The following ANKRD30A variants were observed in gnomAD, a reference collection of about 807,000 sequenced individuals.
The protein encoded by ANKRD30A is ankyrin repeat domain-containing protein 30A.
In ANKRD30A, 170 loss-of-function variants were observed where a neutral mutation model predicts 166.3. The ratio of observed to expected loss-of-function variants is 1.02; its 90% CI spans 0.90 to 1.16. ANKRD30A has a LOEUF of 1.16. ANKRD30A is among the 50% of genes most tolerant of loss of function. ANKRD30A has a pLI of 0.00. For missense variants in ANKRD30A, 1,630 were observed against 1,518.0 expected, an observed-to-expected ratio of 1.07 and a Z score of -1.23; for synonymous variants, 564 against 508.9, an observed-to-expected ratio of 1.11 and a Z score of -1.46.
chr10:37,239,588 T>C, the ANKRD30A span, among the ~76,000 whole-genome samples: 5 of 152,118 alleles, frequency 3.3e-5, no homozygotes, highest in African/African-American at 4.8e-5. Flanking sequence ...AACTGAACTT[T>C]AATAAAGGAC....
Position 37,132,303 on chromosome 10 carries a change from C to G in ANKRD30A, c.574C>G (p.Leu192Val). The change falls in exon 4 of 36, where the codon CTG becomes GTG. Residue 192 changes from leucine (L) to valine (V), a missense_variant. By Grantham distance (32) the Leu-to-Val change is conservative. Transcript: ENST00000361713. ...AAGTGAGCAAATTGTGGAATTTTTG[C>G]TGATAAAAAATGCAAATGCGAATGC... ...KRSEQIVEFL[L>V]IKNANANAVN... The G allele has an allele frequency of 6.2e-7, 1 of 1,605,308 alleles. No homozygotes were observed. Among genetic ancestry groups the G allele is most frequent in the Non-Finnish European group, 8.5e-7 (1 of 1,175,802 alleles).
At chr10:37,210,414 C>T (rs550488168) in intron 31 of ANKRD30A, among the ~76,000 whole-genome samples, 1 of 152,112 alleles carries the variant, frequency 6.6e-6, no homozygotes, top group African/African-American at 2.4e-5. Context: ...GAGAATACTC[C>T]CCCAATAAAC....
In ANKRD30A at chr10:37,219,555, A is replaced by C. The variant is rs751877118; in HGVS notation, c.3843A>C (p.Ser1281=). Reference sequence around the variant, plus strand: ...CTCTAAGAGAAAATACATTGGTTTCAGAACATGCACAAAGAGACCAACGTG... The same window carrying C: ...CTCTAAGAGAAAATACATTGGTTTCCGAACATGCACAAAGAGACCAACGTG... The part of the protein sequence containing the change: ...GDALRENTLV[S]EHAQRDQRET... The change falls in exon 34 of 36, where the codon TCA becomes TCC. Residue 1281 remains serine (S), a synonymous_variant. Coordinates refer to ENST00000361713, the MANE Select transcript of ANKRD30A (RefSeq NM_052997.3). The C allele has an allele frequency of 1.2e-6, 2 of 1,610,376 alleles. No individual in the cohort carries two copies. Among genetic ancestry groups the C allele is most frequent in the Admixed American group, 3.4e-5 (2 of 59,606 alleles).
Position 37,129,978 on chromosome 10 carries a change from G to T in ANKRD30A, c.307G>T (p.Asp103Tyr). The change falls in exon 2 of 36, where the codon GAT (aspartate) becomes TAT (tyrosine). Residue 103 changes from aspartate (D) to tyrosine (Y), a missense_variant. Physicochemically the swap from Asp to Tyr is radical, Grantham distance 160. Transcript: ENST00000361713. ...VDRKCQLDVL[D>Y]GEHRTPLMKA... ...CAGAAAGTGCCAGCTTGACGTCCTTGATGGCGAACACAGGACACCTCTGAT... is the reference window on the plus strand; with the variant it reads ...CAGAAAGTGCCAGCTTGACGTCCTTTATGGCGAACACAGGACACCTCTGAT... 1.9e-6 allele frequency: 3 copies of T among 1,577,330 alleles called. No homozygotes were observed. The highest frequency in any genetic ancestry group is 2.6e-6 in the Non-Finnish European group (3 of 1,159,592).
intron 15 of ANKRD30A, among the ~76,000 whole-genome samples, chr10:37,162,043 A>T (rs1206923917): frequency 6.6e-6 from 1 of 152,180 alleles, no homozygotes; most frequent in Non-Finnish European, 1.5e-5. Context: ...TTCCATGATG[A>T]GTTTTACACA....
intron 29 of ANKRD30A, among the ~76,000 whole-genome samples, chr10:37,197,706 A>G (rs1841255134): frequency 6.6e-6 from 1 of 152,084 alleles, no homozygotes; most frequent in Non-Finnish European, 1.5e-5. Context: ...CTACTTTTGT[A>G]TCCTGAAACT....
downstream of ANKRD30A, among the ~76,000 whole-genome samples, chr10:37,233,031 T>G (rs1284345133): frequency 2.6e-5 from 4 of 151,970 alleles, no homozygotes; most frequent in African/African-American, 9.7e-5. Flanking sequence ...GCTTATAGTT[T>G]TGATGGTGAT....
At chr10:37,217,165 G>A (rs577658441) in intron 32 of ANKRD30A, among the ~76,000 whole-genome samples, 78 of 150,848 alleles carry the variant, frequency 5.2e-4, no homozygotes, top group African/African-American at 1.4e-3. Flanking sequence ...AGAAACAAAA[G>A]GCATATGGGA....
At chr10:37,155,070 G>A (rs890214156) in intron 13 of ANKRD30A, among the ~76,000 whole-genome samples, 4 of 152,030 alleles carry the variant, frequency 2.6e-5, no homozygotes, top group African/African-American at 9.7e-5. Context: ...CATGATACAC[G>A]AAACCAGACT....
At chr10:37,228,817 C>T (rs1843280415) in intron 34 of ANKRD30A, among the ~76,000 whole-genome samples, 1 of 152,094 alleles carries the variant, frequency 6.6e-6, no homozygotes, top group South Asian at 2.1e-4. Context: ...TTAAAGGTGA[C>T]TAATTTCTAC....
At chr10:37,202,296 C>T (rs1235937290) in intron 31 of ANKRD30A, among the ~76,000 whole-genome samples, 1 of 152,224 alleles carries the variant, frequency 6.6e-6, no homozygotes, top group East Asian at 1.9e-4. Flanking sequence ...TCTCTCAGAC[C>T]ACAGTGCAAT....
At chr10:37,259,001 T>C in the ANKRD30A span, among the ~76,000 whole-genome samples, 1 of 138,984 alleles carries the variant, frequency 7.2e-6, no homozygotes, top group Non-Finnish European at 1.5e-5. Context: ...TTCTATAACA[T>C]AAGAGAGTAT....
the ANKRD30A span, among the ~76,000 whole-genome samples, chr10:37,256,986 C>G: frequency 6.6e-6 from 1 of 151,744 alleles, no homozygotes; most frequent in Non-Finnish European, 1.5e-5. Context: ...CCTCTTTATA[C>G]CTCTGGTAGA....
chr10:37,129,754 A>G (rs1836263306), intron 1 of ANKRD30A, 139 bp from the exon 2 acceptor site: 4 of 394,346 alleles, frequency 1.0e-5, no homozygotes, highest in Non-Finnish European at 1.7e-5. Context: ...TGAATGTTGT[A>G]CTTTCTTCAG....
rs752992785 is a variant in ANKRD30A, at chr10:37,162,812, G to C, written c.1966G>C (p.Ala656Pro). 15 of 1,613,582 alleles carry C rather than the reference G, an allele frequency of 9.3e-6. No homozygotes were observed. In the South Asian group the frequency reaches 1.5e-4, roughly 17 times the overall value. ...TEMQKSVPNK[A>P]LELKNEQTLR... ...AATGCAAAAGTCTGTCCCAAATAAA[G>C]CCTTGGAATTGAAAAATGAACAAAC... The change falls in exon 17 of 36, where the codon GCC becomes CCC. Residue 656 changes from alanine (A) to proline (P), a missense_variant. Physicochemically the swap from Ala to Pro is conservative, Grantham distance 27. This residue lies in a region of ANKRD30A where 904 missense variants were observed against 818.5 expected (regional missense o/e 1.10). Transcript: ENST00000361713.
chr10:37,199,138 A>G (rs1841405115), intron 29 of ANKRD30A, among the ~76,000 whole-genome samples: 1 of 152,116 alleles, frequency 6.6e-6, no homozygotes. Context: ...CTTAATTCAT[A>G]TGCAATAAAA....
intron 27 of ANKRD30A, among the ~76,000 whole-genome samples, chr10:37,193,790 T>G (rs1292602704): frequency 6.6e-6 from 1 of 152,148 alleles, no homozygotes; most frequent in Admixed American, 6.5e-5. Context: ...TTTAGAAGAG[T>G]GACCCCAAAG....
At chr10:37,178,128 A>G (rs1315754952) in intron 24 of ANKRD30A, among the ~76,000 whole-genome samples, 3 of 151,454 alleles carry the variant, frequency 2.0e-5, no homozygotes, top group Non-Finnish European at 4.4e-5. Flanking sequence ...ATGATTGTTT[A>G]GGAAAAGATC....
At chr10:37,231,064 C>A (rs1408043240) in intron 34 of ANKRD30A, among the ~76,000 whole-genome samples, 2 of 151,884 alleles carry the variant, frequency 1.3e-5, no homozygotes, top group African/African-American at 4.8e-5. Flanking sequence ...ATGTTAAATG[C>A]CTGAAAATAT....
Sources: allele counts gnomAD v4.1 joint callset (sites outside exome capture counted in the v4.1 genomes callset), GRCh38; gene constraint gnomAD v4.1.1; regional missense constraint gnomAD v4.1.1; transcripts MANE v1.5; gene names NCBI Gene and HGNC (gene_info 2026-07-23, HGNC 2026-07-21).